The following EXTL3 variants were observed in gnomAD, a reference collection of about 807,000 sequenced individuals.
The protein encoded by EXTL3 is exostosin-like 3.
EXTL3 carries 27 observed loss-of-function variants against 69.3 expected under a neutral mutation model. The ratio of observed to expected loss-of-function variants is 0.39; its 90% CI spans 0.29 to 0.54. The LOEUF (loss-of-function observed/expected upper bound fraction) is 0.54, where lower values mean the gene tolerates loss of function less well. Among genes scored for constraint, EXTL3 ranks in the 20% least tolerant of loss-of-function variants. EXTL3 has a pLI of 0.69. For missense variants in EXTL3, 1,003 were observed against 1,231.8 expected, an observed-to-expected ratio of 0.81 and a Z score of 2.78; for synonymous variants, 511 against 499.4, an observed-to-expected ratio of 1.02 and a Z score of -0.31.
chr8:28,618,419 A>G (rs1401329127), upstream of EXTL3, among the ~76,000 whole-genome samples: 1 of 152,190 alleles, frequency 6.6e-6, no homozygotes, highest in African/African-American at 2.4e-5. Flanking sequence ...AGAGGGGGAA[A>G]ATGCAAAGGC....
intron 4 of EXTL3, among the ~76,000 whole-genome samples, chr8:28,735,169 T>C (rs1485887616): frequency 6.6e-6 from 1 of 151,888 alleles, no homozygotes; most frequent in Non-Finnish European, 1.5e-5. Flanking sequence ...ATGCAGTAAC[T>C]CCAGGCATGA....
chr8:28,729,287 T>C (rs1339822452), intron 3 of EXTL3, among the ~76,000 whole-genome samples: 10 of 89,708 alleles, frequency 1.1e-4, no homozygotes, highest in African/African-American at 1.9e-4. Context: ...AGTGAGACTC[T>C]ATCTCAAAAA....
intron 2 of EXTL3, among the ~76,000 whole-genome samples, chr8:28,613,521 G>A (rs943396668): frequency 2.0e-5 from 3 of 152,116 alleles, no homozygotes; most frequent in African/African-American, 4.8e-5. Flanking sequence ...AAGTACTCCC[G>A]CTGCTTCTAT....
intron 1 of EXTL3, among the ~76,000 whole-genome samples, chr8:28,707,766 G>C (rs908124346): frequency 7.0e-4 from 107 of 152,270 alleles, no homozygotes; most frequent in African/African-American, 2.6e-3. Flanking sequence ...TTCTTAAGTG[G>C]TGAATCTGAT....
intron 1 of EXTL3, among the ~76,000 whole-genome samples, chr8:28,708,369 C>G (rs1800964728): frequency 6.7e-6 from 1 of 149,182 alleles, no homozygotes; most frequent in Admixed American, 6.7e-5. Flanking sequence ...TGGGAAGTGT[C>G]TACATGTAGT....
At chr8:28,719,506 A>G (rs1234220204) in intron 3 of EXTL3, among the ~76,000 whole-genome samples, 3 of 152,110 alleles carry the variant, frequency 2.0e-5, no homozygotes, top group African/African-American at 7.2e-5. Context: ...CTTCTGTGCA[A>G]AGTGCCTCTT....
rs185648581 is a variant in EXTL3 at position 28,683,486 on chromosome 8, T to C, written c.-52-29971T>C. ...ATCCTTTATGTTTCAAACAATCCAATTATACTCTTTTAGTTATTTTAAAAT... is the reference window on the plus strand; with the variant it reads ...ATCCTTTATGTTTCAAACAATCCAACTATACTCTTTTAGTTATTTTAAAAT... On this transcript the variant is annotated intron_variant, in intron 1 of 6. Coordinates refer to the EXTL3 transcript ENST00000523149. Among the ~76,000 whole-genome samples, 26 of 152,316 alleles carry C rather than the reference T, an allele frequency of 1.7e-4. No individual in the cohort carries two copies. The East Asian group carries it at 4.6e-3, about 27-fold the overall frequency.
At chr8:28,645,213 T>C (rs1007935371) in intron 1 of EXTL3, among the ~76,000 whole-genome samples, 4 of 152,190 alleles carry the variant, frequency 2.6e-5, no homozygotes, top group African/African-American at 9.6e-5. Flanking sequence ...TTAAAATATA[T>C]TTAAAACAGA....
intron 2 of EXTL3, among the ~76,000 whole-genome samples, chr8:28,615,620 T>A (rs894523761): frequency 6.6e-6 from 1 of 152,134 alleles, no homozygotes; most frequent in African/African-American, 2.4e-5. Flanking sequence ...CAGGCTGGAG[T>A]GCAGTGGCTT....
At chr8:28,739,097 C>T (rs1040265995) in intron 5 of EXTL3, among the ~76,000 whole-genome samples, 2 of 152,208 alleles carry the variant, frequency 1.3e-5, no homozygotes, top group African/African-American at 4.8e-5. Flanking sequence ...CTGGTAATTT[C>T]CTCATCTGTA....
In EXTL3 at chr8:28,714,647, G is replaced by A. The variant is rs145102439; in HGVS notation, c.-475-938G>A. On this transcript the variant is annotated intron_variant, in intron 2 of 6. Coordinates refer to ENST00000220562, the MANE Select transcript of EXTL3 (RefSeq NM_001440.4). ...AAAAAAGAAACCGGGAATATTCCCTGGCATAGAATATTATGATTTGTTTCT... is the reference window on the plus strand; with the variant it reads ...AAAAAAGAAACCGGGAATATTCCCTAGCATAGAATATTATGATTTGTTTCT... 2.9e-3 allele frequency among the ~76,000 whole-genome samples: 439 copies of A among 152,342 alleles called. 4 individuals carry two copies. Among genetic ancestry groups the A allele is most frequent in the African/African-American group, 1.0e-2 (414 of 41,566 alleles).
upstream of EXTL3, among the ~76,000 whole-genome samples, chr8:28,620,015 C>T (rs954750792): frequency 2.0e-5 from 3 of 151,616 alleles, no homozygotes; most frequent in Admixed American, 6.6e-5. Context: ...GGACTACAGG[C>T]GCCTGCCACC....
At chr8:28,709,248 T>C (rs1329674012) in intron 1 of EXTL3, among the ~76,000 whole-genome samples, 1 of 152,224 alleles carries the variant, frequency 6.6e-6, no homozygotes, top group Admixed American at 6.5e-5. Context: ...ACGGGATTGC[T>C]GTGAGGATTA....
At position 28,716,619 on chromosome 8, in the gene EXTL3, G is replaced by A. The variant is rs201375409; in HGVS notation, c.560G>A (p.Arg187His). The change falls in exon 3 of 7, where the codon CGT becomes CAT. Residue 187 changes from arginine (R) to histidine (H), a missense_variant. Physicochemically the swap from Arg to His is conservative, Grantham distance 29. This residue lies in a region of EXTL3 where 742 missense variants were observed against 815.4 expected (regional missense o/e 0.91). Transcript: ENST00000220562. The surrounding 1 kb of genome is among the most constrained non-coding windows in gnomAD (Gnocchi z 7.1). ...CTACACAACTGCTTTGATTATTCTC[G>A]TTGCCCTCTCACCTCTGGCTTCCCG... ...CRLHNCFDYS[R>H]CPLTSGFPVY... 103 of 1,614,192 alleles carry A rather than the reference G, an allele frequency of 6.4e-5. No homozygotes were observed. The highest frequency in any genetic ancestry group is 4.9e-4 in the Middle Eastern group (3 of 6,062).
rs1806490325 is a variant in EXTL3 at position 28,626,274 on chromosome 8, CG to C, written c.-53+3468del. Among the ~76,000 whole-genome samples the C allele has an allele frequency of 2.0e-5, 3 of 151,810 alleles. No individual in the cohort carries two copies. The South Asian group carries it at 6.3e-4, about 32-fold the overall frequency. On this transcript the variant is annotated intron_variant, in intron 1 of 6. Coordinates refer to the EXTL3 transcript ENST00000523149. ...ATAGAATAAGACTAAAGAAAGAGGA[CG>C]GGGTCACACCATAAAAAGTCTTGTA...
chr8:28,683,291 A>G (rs1375020536), intron 1 of EXTL3, among the ~76,000 whole-genome samples: 1 of 152,130 alleles, frequency 6.6e-6, no homozygotes, highest in African/African-American at 2.4e-5. Context: ...GAAAAATGTC[A>G]TTGGAATTTG....
intron 1 of EXTL3, among the ~76,000 whole-genome samples, chr8:28,657,082 C>T (rs1807023444): frequency 6.6e-6 from 1 of 151,912 alleles, no homozygotes; most frequent in South Asian, 2.1e-4. Flanking sequence ...CAGGCGCCCA[C>T]CACCACCACC....
At chr8:28,699,484 G>C (rs1424175374), upstream of EXTL3, 1 of 152,930 alleles carries the variant, frequency 6.5e-6, no homozygotes, top group Non-Finnish European at 1.5e-5. Flanking sequence ...GAATATCCCT[G>C]TTCTTCCTAA....
chr8:28,684,652 G>C (rs1422952617), intron 1 of EXTL3, among the ~76,000 whole-genome samples: 1 of 152,144 alleles, frequency 6.6e-6, no homozygotes, highest in African/African-American at 2.4e-5. Context: ...TGGGGTAAGA[G>C]GGTCACTTGA....
Sources: gnomAD v4.1 joint callset for allele counts (sites outside exome capture counted in the v4.1 genomes callset) on GRCh38, gnomAD v4.1.1 for gene constraint, gnomAD v4.1.1 regional missense constraint, Gnocchi (gnomAD v3.1) non-coding constraint, MANE v1.5 for transcripts, NCBI Gene and HGNC (gene_info 2026-07-23, HGNC 2026-07-21) for gene names.